TMPRSS3: variants seen among roughly 807,000 people sequenced by gnomAD.
TMPRSS3 encodes transmembrane serine protease 3, also known as transmembrane protease serine 3.
In TMPRSS3, 55 loss-of-function variants were observed where a neutral mutation model predicts 59.6. The observed-to-expected ratio is 0.92, with a 90% confidence interval of 0.74 to 1.16. TMPRSS3 has a LOEUF of 1.16. Ranked by LOEUF, TMPRSS3 falls within the 50% of genes most tolerant of loss-of-function variation. TMPRSS3 has a pLI of 0.00. For missense variants in TMPRSS3, 596 were observed against 579.4 expected (o/e 1.03, Z -0.29); for synonymous variants, 257 against 237.7 (o/e 1.08, Z -0.75).
At chr21:42,386,403 G>T (rs1187767372) in intron 5 of TMPRSS3, among the ~76,000 whole-genome samples, 3 of 152,198 alleles carry the variant, frequency 2.0e-5, no homozygotes, top group Non-Finnish European at 4.4e-5. Flanking sequence ...GCCCTTCCAG[G>T]GATTGCTCAA....
chr21:42,386,945 C>A (rs1601529031), intron 5 of TMPRSS3, among the ~76,000 whole-genome samples: 1 of 152,060 alleles, frequency 6.6e-6, no homozygotes. Context: ...AACAAAAGAA[C>A]AAGCCTATAG....
chr21:42,391,318 T>C (rs148807472), intron 2 of TMPRSS3, among the ~76,000 whole-genome samples: 1 of 152,296 alleles, frequency 6.6e-6, no homozygotes, highest in African/African-American at 2.4e-5. Flanking sequence ...AGTACTGGGA[T>C]TACAAGCGTG....
intron 10 of TMPRSS3, among the ~76,000 whole-genome samples, chr21:42,377,686 A>G (rs560261725): frequency 8.5e-5 from 13 of 152,052 alleles, no homozygotes; most frequent in African/African-American, 2.9e-4. Flanking sequence ...TGTTTTAAAG[A>G]CTCCATAGAT....
chr21:42,394,933 A>G (rs11909615), intron 2 of TMPRSS3, among the ~76,000 whole-genome samples: 7,125 of 152,186 alleles, frequency 0.047, 263 homozygotes, highest in East Asian at 0.15. Flanking sequence ...GGCCTCTAAT[A>G]TCTTTGGCGA....
chr21:42,381,203 T>A (rs1437032243), intron 9 of TMPRSS3, among the ~76,000 whole-genome samples: 1 of 152,226 alleles, frequency 6.6e-6, no homozygotes, highest in African/African-American at 2.4e-5. Flanking sequence ...TTTGTTTGCA[T>A]CTACGAGATG....
chr21:42,389,075 CCAACA>C, intron 3 of TMPRSS3, 30 bp from the exon 4 acceptor site: 1 of 1,613,468 alleles, frequency 6.2e-7, no homozygotes, highest in Non-Finnish European at 8.5e-7. Flanking sequence ...CAGGAATTAA[CCAACA>C]GCTCTTTCAG....
At chr21:42,395,602 C>G (rs1002848573) in intron 1 of TMPRSS3, 134 bp from the exon 2 acceptor site, 3 of 582,744 alleles carry the variant, frequency 5.1e-6, no homozygotes, top group Non-Finnish European at 9.6e-6. Context: ...TAACCAAAAA[C>G]AGTCATCTGG....
rs1436349589 is a variant in TMPRSS3, at chr21:42,380,141, C to T, written c.1024G>A (p.Gly342Arg). The T allele has an allele frequency of 6.2e-7, 1 of 1,614,208 alleles. No individual in the cohort carries two copies. The highest frequency in any genetic ancestry group is 8.5e-7 in the Non-Finnish European group (1 of 1,180,024). The part of the protein sequence containing the change: ...FPDGKVCWTS[G>R]WGATEDGGDA... ...CCTCCATCCTCTGTGGCCCCCCATC[C>T]TGACGTCCAGCACACTTTTCCATCG... The change falls in exon 10 of 13, where the codon GGA becomes AGA. Residue 342 changes from glycine (G) to arginine (R), a missense_variant. Physicochemically the swap from Gly to Arg is moderately radical, Grantham distance 125. Coordinates refer to ENST00000644384, the MANE Select transcript of TMPRSS3 (RefSeq NM_001256317.3).
In TMPRSS3 at chr21:42,388,898, T is replaced by C. The variant is rs1365650284; in HGVS notation, c.322+31A>G. On this transcript the variant is annotated intron_variant, in intron 4 of 12. Coordinates refer to ENST00000644384, the MANE Select transcript of TMPRSS3 (RefSeq NM_001256317.3). This position sits in a 1 kb window ranked among gnomAD's most constrained non-coding sequence, Gnocchi z 5.1. ...AGGGTTGGCTTCTGCTGCTTCCTTCTGTTTCCCCAGGGGAAGAGCCATGAC... is the reference window on the plus strand; with the variant it reads ...AGGGTTGGCTTCTGCTGCTTCCTTCCGTTTCCCCAGGGGAAGAGCCATGAC... The C allele has an allele frequency of 6.3e-7, 1 of 1,593,748 alleles. No individual in the cohort carries two copies. The highest frequency in any genetic ancestry group is 1.1e-5 in the South Asian group (1 of 90,644).
rs369626015 is a variant in TMPRSS3 at position 42,372,799 on chromosome 21, C to A, written c.1345-20G>T. On this transcript the variant is annotated intron_variant, in intron 12 of 12. Transcript: ENST00000644384. ...GTCTCTCTATAAATGAAAACAAAGG[C>A]GTTATTGTTTTTAGCACTTCCAGCC... 2 of 1,613,952 alleles carry A rather than the reference C, an allele frequency of 1.2e-6. No individual in the cohort carries two copies. The highest frequency in any genetic ancestry group is 1.1e-5 in the South Asian group (1 of 91,062).
intron 12 of TMPRSS3, among the ~76,000 whole-genome samples, chr21:42,374,305 C>T (rs917209683): frequency 1.3e-5 from 2 of 152,234 alleles, no homozygotes; most frequent in Non-Finnish European, 2.9e-5. Flanking sequence ...TCACCACGCC[C>T]CGAGGGGGTG....
chr21:42,379,113 G>C (rs761285773), intron 10 of TMPRSS3, among the ~76,000 whole-genome samples: 1 of 151,968 alleles, frequency 6.6e-6, no homozygotes, highest in Admixed American at 6.6e-5. Context: ...TCAAACTCCT[G>C]AACCTCAAAT....
chr21:42,388,376 A>C lies in TMPRSS3; in HGVS notation c.446+27T>G. 6.2e-7 allele frequency: 1 copy of C among 1,614,190 alleles called. No individual in the cohort carries two copies. The highest frequency in any genetic ancestry group is 8.5e-7 in the Non-Finnish European group (1 of 1,180,022). On this transcript the variant is annotated intron_variant, in intron 5 of 12. Transcript: ENST00000644384. The surrounding 1 kb of genome is among the most constrained non-coding windows in gnomAD (Gnocchi z 5.1). ...TTGTTATCCTCTCTGTGTTTTGCCC[A>C]TGGGTTGGAAATGCTCTTTAACTTA...
rs1334023661 is a variant in TMPRSS3 at position 42,372,402 on chromosome 21, A to G, written c.*360T>C. 4 of 480,114 alleles carry G rather than the reference A, an allele frequency of 8.3e-6. No homozygotes were observed. Among genetic ancestry groups the G allele is most frequent in the South Asian group, 1.5e-5 (1 of 64,690 alleles). The allele number at this position is 480,114 out of a possible 1,614,324, so 29.7% of individuals were successfully genotyped here. ...TGGTGAAACCCTGTCTCTACTAAAA[A>G]TACAAAAATTAGTTGGGTGTGGTGG... is the stretch of plus-strand genomic sequence containing the variant. On this transcript the variant is annotated 3_prime_UTR_variant, in exon 13 of 13. Coordinates refer to ENST00000644384, the MANE Select transcript of TMPRSS3 (RefSeq NM_001256317.3).
intron 10 of TMPRSS3, among the ~76,000 whole-genome samples, chr21:42,379,738 CA>C (rs1271106405): frequency 6.6e-6 from 1 of 152,094 alleles, no homozygotes; most frequent in African/African-American, 2.4e-5. Flanking sequence ...CAAAGTCCCA[CA>C]AGACAAAGAG....
At position 42,383,204 on chromosome 21, in the gene TMPRSS3, G is replaced by A. The variant is rs934920620; in HGVS notation, c.617-6C>T. On this transcript the variant is annotated splice_polypyrimidine_tract_variant and splice_region_variant and intron_variant, in intron 7 of 12. Transcript: ENST00000644384. ...GCCCCTTCTATGACCACAGGCTATG[G>A]AGGGGAACAAAGGCTTGTGGGTCCA... The A allele has an allele frequency of 6.2e-6, 10 of 1,602,640 alleles. No individual in the cohort carries two copies. Among genetic ancestry groups the A allele is most frequent in the Non-Finnish European group, 8.5e-6 (10 of 1,173,466 alleles).
At chr21:42,385,185 C>T (rs928570393) in intron 6 of TMPRSS3, among the ~76,000 whole-genome samples, 1 of 151,050 alleles carries the variant, frequency 6.6e-6, no homozygotes, top group African/African-American at 2.4e-5. Flanking sequence ...CATTGTTACC[C>T]TTCTACTCTA....
chr21:42,395,774 C>T (rs947188592), intron 1 of TMPRSS3, 168 bp downstream of exon 1: 15 of 399,106 alleles, frequency 3.8e-5, no homozygotes, highest in African/African-American at 2.7e-4. Context: ...GAGGGACTCC[C>T]TCTCACCATT....
Position 42,383,304 on chromosome 21 carries a change from G to A in TMPRSS3, c.617-106C>T, listed in dbSNP as rs746221078. 295 of 1,173,988 alleles carry A rather than the reference G, an allele frequency of 2.5e-4. 2 individuals carry two copies. Among genetic ancestry groups the A allele is most frequent in the Middle Eastern group, 4.4e-4 (2 of 4,578 alleles). 72.7% of individuals were successfully genotyped at this position (1,173,988 alleles called of 1,614,324 possible). A position where few individuals can be genotyped will look rare whatever the true frequency, so the allele number is the denominator to read the frequency against. ...CTCTCTCCCCACCCTCACTGCCCCT[G>A]CTCCCAGAGCTCACAGCAGCTCTAA... On this transcript the variant is annotated intron_variant, in intron 7 of 12. Transcript: ENST00000644384.
Sources: allele counts gnomAD v4.1 joint callset (sites outside exome capture counted in the v4.1 genomes callset), GRCh38; gene constraint gnomAD v4.1.1; non-coding constraint Gnocchi (gnomAD v3.1); transcripts MANE v1.5; gene names NCBI Gene and HGNC (gene_info 2026-07-23, HGNC 2026-07-21).